The following LRRC74A variants were observed in gnomAD, a reference collection of about 807,000 sequenced individuals.
The protein encoded by LRRC74A is leucine-rich repeat-containing protein 74A.
In LRRC74A, 44 loss-of-function variants were observed where a neutral mutation model predicts 57.9. That is an observed-to-expected ratio of 0.76 (90% CI 0.60 to 0.98). The LOEUF is 0.98. Ranked by LOEUF, LRRC74A falls within the 50% of genes least tolerant of loss-of-function variation. The pLI, the probability that LRRC74A is intolerant of heterozygous loss-of-function variation, is 0.00. For synonymous variants in LRRC74A, 211 were observed against 219.4 expected, an observed-to-expected ratio of 0.96 and a Z score of 0.34; for missense variants, 572 against 574.0, an observed-to-expected ratio of 1.00 and a Z score of 0.04.
chr14:76,838,193 A>T (rs12587240), intron 5 of LRRC74A, among the ~76,000 whole-genome samples: 53,539 of 152,036 alleles, frequency 0.35, 10,285 homozygotes, highest in East Asian at 0.52. Context: ...ACAATAATTT[A>T]TCATGTACTT....
At chr14:76,852,285 G>C (rs1897549711) in intron 7 of LRRC74A, 80 bp from the exon 8 acceptor site, 1 of 1,076,422 alleles carries the variant, frequency 9.3e-7, no homozygotes, top group Admixed American at 2.2e-5. Context: ...TTTATCCCCA[G>C]TGTCATGGAC....
intron 12 of LRRC74A, among the ~76,000 whole-genome samples, chr14:76,866,435 T>C (rs1422265524): frequency 6.6e-6 from 1 of 152,176 alleles, no homozygotes; most frequent in Non-Finnish European, 1.5e-5. Context: ...ATTTCCACCT[T>C]AGGAATCATT....
intron 11 of LRRC74A, among the ~76,000 whole-genome samples, chr14:76,865,354 T>A (rs1163192570): frequency 6.6e-6 from 1 of 152,096 alleles, no homozygotes; most frequent in Non-Finnish European, 1.5e-5. Context: ...TCTGAGGGGG[T>A]CCTGGAACCA....
At chr14:76,844,172 TA>T (rs756466147) in intron 5 of LRRC74A, among the ~76,000 whole-genome samples, 76 of 152,200 alleles carry the variant, frequency 5.0e-4, no homozygotes, top group Non-Finnish European at 8.5e-4. Flanking sequence ...CTAATTTTTT[TA>T]AAAATTCTTT....
chr14:76,867,540 C>T (rs1477130522), intron 13 of LRRC74A, 102 bp downstream of exon 13: 2 of 642,432 alleles, frequency 3.1e-6, no homozygotes, highest in African/African-American at 1.8e-5. Flanking sequence ...TTACTTGAGG[C>T]TTCACCCACC....
chr14:76,858,064 C>A (rs1414939546), intron 10 of LRRC74A, among the ~76,000 whole-genome samples: 1 of 152,120 alleles, frequency 6.6e-6, no homozygotes, highest in Non-Finnish European at 1.5e-5. Flanking sequence ...CTGTTTTTCC[C>A]AAAGTGATTT....
intron 5 of LRRC74A, among the ~76,000 whole-genome samples, chr14:76,843,460 C>T (rs1213164289): frequency 6.6e-6 from 1 of 152,052 alleles, no homozygotes; most frequent in Non-Finnish European, 1.5e-5. Context: ...TCACAGGTGT[C>T]CCAGTCCTGC....
At chr14:76,865,932 C>G in intron 11 of LRRC74A, 36 bp from the exon 12 acceptor site, 1 of 1,455,132 alleles carries the variant, frequency 6.9e-7, no homozygotes, top group South Asian at 1.2e-5. Context: ...GTTACAAGAC[C>G]AAGTGTTTGC....
At chr14:76,863,215 T>TGTGTGTG (rs61247792) in intron 11 of LRRC74A, among the ~76,000 whole-genome samples, 4 of 149,004 alleles carry the variant, frequency 2.7e-5, no homozygotes, top group Non-Finnish European at 4.5e-5. Context: ...TGTGTGTGTG[T>TGTGTGTG]TGGGATAGGA....
At chr14:76,836,428 C>T (rs897863966) in intron 4 of LRRC74A, 114 bp downstream of exon 4, 4 of 648,998 alleles carry the variant, frequency 6.2e-6, no homozygotes. Context: ...CCTGCCCGCC[C>T]CTGCCCTTCC....
intron 7 of LRRC74A, among the ~76,000 whole-genome samples, chr14:76,846,044 G>A (rs996511264): frequency 6.6e-6 from 1 of 152,142 alleles, no homozygotes; most frequent in African/African-American, 2.4e-5. Context: ...ACAGGCAACA[G>A]ACAGGGAGTA....
intron 7 of LRRC74A, among the ~76,000 whole-genome samples, chr14:76,849,484 C>T (rs563318463): frequency 2.7e-4 from 41 of 151,858 alleles, no homozygotes; most frequent in East Asian, 5.9e-4. Context: ...TTGTTATAAT[C>T]GTACTGCAAG....
At chr14:76,860,101 G>A (rs1898188213) in intron 10 of LRRC74A, among the ~76,000 whole-genome samples, 1 of 152,144 alleles carries the variant, frequency 6.6e-6, no homozygotes, top group Non-Finnish European at 1.5e-5. Context: ...CCCTTAAACA[G>A]GGGTTTAATT....
chr14:76,842,741 A>ATGCAAAGC (rs11282651), intron 5 of LRRC74A, among the ~76,000 whole-genome samples: 1 of 151,430 alleles, frequency 6.6e-6, no homozygotes, highest in African/African-American at 2.4e-5. Flanking sequence ...GGTGGTAGAG[A>ATGCAAAGC]TTATTGAGGG....
rs1895582975 is a variant in LRRC74A, at chr14:76,826,523, A to G, written c.-175A>G. 1.2e-6 allele frequency: 2 copies of G among 1,606,140 alleles called. No individual in the cohort carries two copies. The highest frequency in any genetic ancestry group is 2.2e-5 in the South Asian group (2 of 89,110). ...GCACATCCAATTCCCATCAAAGCCT[A>G]CTCTTCCCAGGGCTTGCTGGGAGGG... On this transcript the variant is annotated 5_prime_UTR_variant, in exon 1 of 14. Transcript: ENST00000689127.
chr14:76,845,243 G>A (rs1289212692), intron 7 of LRRC74A, among the ~76,000 whole-genome samples: 2 of 152,078 alleles, frequency 1.3e-5, no homozygotes, highest in African/African-American at 4.8e-5. Flanking sequence ...AGGATTCCTT[G>A]ATCCCAGGAA....
At chr14:76,866,134 C>A in intron 12 of LRRC74A, 59 bp downstream of exon 12, 1 of 1,276,774 alleles carries the variant, frequency 7.8e-7, no homozygotes, top group Non-Finnish European at 1.1e-6. Flanking sequence ...GTTTGTGTGT[C>A]AGAGAGAGGG....
At chr14:76,838,895 C>T (rs1230737398) in intron 5 of LRRC74A, among the ~76,000 whole-genome samples, 1 of 152,206 alleles carries the variant, frequency 6.6e-6, no homozygotes, top group African/African-American at 2.4e-5. Flanking sequence ...GCCACCATGC[C>T]CAGCCTTAGT....
chr14:76,852,284 A>C, intron 7 of LRRC74A, 81 bp from the exon 8 acceptor site: 1 of 1,046,314 alleles, frequency 9.6e-7, no homozygotes, highest in Non-Finnish European at 1.4e-6. Flanking sequence ...CTTTATCCCC[A>C]GTGTCATGGA....
Sources: gnomAD v4.1 joint callset for allele counts (sites outside exome capture counted in the v4.1 genomes callset) on GRCh38, gnomAD v4.1.1 for gene constraint, MANE v1.5 for transcripts, NCBI Gene and HGNC (gene_info 2026-07-23, HGNC 2026-07-21) for gene names.